ADGRL3: variants seen among roughly 807,000 people sequenced by gnomAD.
ADGRL3 encodes the protein calcium-independent alpha-latrotoxin receptor 3.
A neutral mutation model predicts 153.5 loss-of-function variants in ADGRL3; 62 were observed. That is an observed-to-expected ratio of 0.40 (90% CI 0.33 to 0.50). The LOEUF is 0.50. Among genes scored for constraint, ADGRL3 ranks in the 20% least tolerant of loss-of-function variants. The pLI is 0.47. For synonymous variants in ADGRL3, 710 were observed against 672.5 expected (o/e 1.06, Z -0.86); for missense variants, 1,641 against 1,859.4 (o/e 0.88, Z 2.16).
chr4:61,355,601 C>T (rs2096148918), intron 1 of ADGRL3, among the ~76,000 whole-genome samples: 1 of 148,050 alleles, frequency 6.8e-6, no homozygotes, highest in Admixed American at 6.7e-5. Context: ...TAATCTGTGA[C>T]AGACATGTGA....
At chr4:61,347,500 C>T (rs2095944924) in intron 1 of ADGRL3, among the ~76,000 whole-genome samples, 1 of 151,998 alleles carries the variant, frequency 6.6e-6, no homozygotes, top group African/African-American at 2.4e-5. Flanking sequence ...AGTATGATGG[C>T]TAAATTCACC....
chr4:61,460,217 AT>A (rs1038204256), intron 2 of ADGRL3, among the ~76,000 whole-genome samples: 69 of 152,216 alleles, frequency 4.5e-4, no homozygotes, highest in African/African-American at 1.6e-3. Flanking sequence ...TGGATCTTAC[AT>A]TTAAGTCTTT....
intron 5 of ADGRL3, among the ~76,000 whole-genome samples, chr4:61,587,843 A>C (rs1271666333): frequency 6.6e-6 from 1 of 152,126 alleles, no homozygotes; most frequent in African/African-American, 2.4e-5. Context: ...AGAAGTAAAA[A>C]TTAATAGGTA....
chr4:61,751,722 A>C (rs2096759603), intron 8 of ADGRL3, among the ~76,000 whole-genome samples: 1 of 152,218 alleles, frequency 6.6e-6, no homozygotes, highest in Admixed American at 6.5e-5. Context: ...AATATGTATT[A>C]GATTTAACTC....
intron 17 of ADGRL3, among the ~76,000 whole-genome samples, chr4:61,971,300 C>T (rs923700371): frequency 1.3e-5 from 2 of 151,966 alleles, no homozygotes; most frequent in Non-Finnish European, 2.9e-5. Flanking sequence ...AATGCTATCC[C>T]TCCCCGCTCC....
intron 1 of ADGRL3, among the ~76,000 whole-genome samples, chr4:61,230,903 T>C (rs1320149639): frequency 6.6e-6 from 1 of 152,240 alleles, no homozygotes; most frequent in Non-Finnish European, 1.5e-5. Flanking sequence ...GGAAAAGTGC[T>C]GATAAAAACC....
At chr4:61,273,441 C>T (rs1015099965) in intron 1 of ADGRL3, among the ~76,000 whole-genome samples, 5 of 152,296 alleles carry the variant, frequency 3.3e-5, no homozygotes, top group Admixed American at 6.5e-5. Flanking sequence ...TGCCCATGCA[C>T]TTAGCCATTT....
At chr4:61,335,354 A>T (rs1184239314) in intron 1 of ADGRL3, among the ~76,000 whole-genome samples, 1 of 152,140 alleles carries the variant, frequency 6.6e-6, no homozygotes, top group Non-Finnish European at 1.5e-5. Flanking sequence ...ACTGTTTAAG[A>T]TTATCCCTGT....
intron 1 of ADGRL3, among the ~76,000 whole-genome samples, chr4:61,318,650 T>G (rs934014849): frequency 2.0e-5 from 3 of 152,182 alleles, no homozygotes; most frequent in African/African-American, 4.8e-5. Context: ...GACAAAAGCA[T>G]TATGAATTTA....
intron 5 of ADGRL3, among the ~76,000 whole-genome samples, chr4:61,617,806 G>A (rs895081684): frequency 1.3e-5 from 2 of 152,122 alleles, no homozygotes; most frequent in Non-Finnish European, 2.9e-5. Flanking sequence ...AATCCTCAAC[G>A]TATTCTCTGT....
At chr4:61,927,717 T>G (rs1157466880) in intron 13 of ADGRL3, among the ~76,000 whole-genome samples, 1 of 152,168 alleles carries the variant, frequency 6.6e-6, no homozygotes, top group Non-Finnish European at 1.5e-5. Flanking sequence ...ACATTTTGAT[T>G]TGAATCAATA....
At chr4:61,597,335 T>C (rs186154938) in intron 5 of ADGRL3, among the ~76,000 whole-genome samples, 96 of 152,244 alleles carry the variant, frequency 6.3e-4, no homozygotes, top group African/African-American at 2.3e-3. Context: ...TAGCTGTCTA[T>C]GGGTTAAAAG....
chr4:61,399,309 A>T (rs1197073230), intron 2 of ADGRL3, among the ~76,000 whole-genome samples: 1 of 151,708 alleles, frequency 6.6e-6, no homozygotes, highest in Non-Finnish European at 1.5e-5. Flanking sequence ...ATTAATATTA[A>T]TTAGTAAAGT....
At chr4:61,410,197 T>C (rs796635511) in intron 2 of ADGRL3, among the ~76,000 whole-genome samples, 10 of 152,206 alleles carry the variant, frequency 6.6e-5, no homozygotes, top group African/African-American at 2.2e-4. Context: ...TATTCATGAG[T>C]TCTAAAAATG....
chr4:61,678,229 G>C (rs2095254976), intron 6 of ADGRL3, among the ~76,000 whole-genome samples: 1 of 151,894 alleles, frequency 6.6e-6, no homozygotes, highest in Admixed American at 6.6e-5. Context: ...TGCATAATAA[G>C]ACCTTTGTGA....
At chr4:61,409,271 ACATAATATATATTATATATATTAGACATC>A (rs2097050844) in intron 2 of ADGRL3, among the ~76,000 whole-genome samples, 2 of 134,152 alleles carry the variant, frequency 1.5e-5, no homozygotes, top group South Asian at 5.0e-4. Context: ...TATTAGACAT[ACATAATATATATTATATATATTAGACATC>A]CATTATATAT....
At chr4:62,049,106 T>A (rs1732749564) in intron 25 of ADGRL3, among the ~76,000 whole-genome samples, 1 of 152,126 alleles carries the variant, frequency 6.6e-6, no homozygotes, top group Non-Finnish European at 1.5e-5. Flanking sequence ...TATTTTTCAT[T>A]TTCTTTTTAT....
chr4:61,204,452 A>C (rs1736208771), intron 1 of ADGRL3, among the ~76,000 whole-genome samples: 2 of 152,230 alleles, frequency 1.3e-5, no homozygotes, highest in Non-Finnish European at 2.9e-5. Context: ...AATGATTCCC[A>C]GTCCTTACAT....
In ADGRL3 at chr4:62,074,338, G is replaced by C. The variant is rs1044547413; in HGVS notation, c.*3430G>C. 6 of 151,930 alleles carry C rather than the reference G, an allele frequency of 3.9e-5. No individual in the cohort carries two copies. The highest frequency in any genetic ancestry group is 1.3e-4 in the Admixed American group (2 of 15,246). The allele number at this position is 151,930 out of a possible 1,614,324, so 9.4% of individuals were successfully genotyped here. On this transcript the variant is annotated 3_prime_UTR_variant, in exon 27 of 27. Coordinates refer to ENST00000683033, the MANE Select transcript of ADGRL3 (RefSeq NM_001387552.1). ...ATATTTTTGTCACATTTTTAGACTTGGTTGTTTTTCCTCTTTGAAATCTAG... is the reference window on the plus strand; with the variant it reads ...ATATTTTTGTCACATTTTTAGACTTCGTTGTTTTTCCTCTTTGAAATCTAG...
Sources: gnomAD v4.1 joint callset for allele counts (sites outside exome capture counted in the v4.1 genomes callset) on GRCh38, gnomAD v4.1.1 for gene constraint, MANE v1.5 for transcripts, NCBI Gene and HGNC (gene_info 2026-07-23, HGNC 2026-07-21) for gene names.